SUSD1: variants seen among roughly 807,000 people sequenced by gnomAD.
SUSD1 encodes the protein sushi domain containing 1.
A neutral mutation model predicts 86.9 loss-of-function variants in SUSD1; 65 were observed. The observed-to-expected ratio is 0.75, with a 90% CI of 0.61 to 0.92. SUSD1 has a LOEUF of 0.92. Among genes scored for constraint, SUSD1 ranks in the 40% least tolerant of loss-of-function variants. The pLI, the probability that SUSD1 is intolerant of heterozygous loss-of-function variation, is 0.00. For missense variants in SUSD1, 850 were observed against 929.7 expected (o/e 0.91, Z 1.11); for synonymous variants, 346 against 350.0 (o/e 0.99, Z 0.13).
intron 12 of SUSD1, among the ~76,000 whole-genome samples, chr9:112,075,556 A>G (rs982567221): frequency 2.0e-5 from 3 of 152,104 alleles, no homozygotes; most frequent in Admixed American, 2.0e-4. Flanking sequence ...GGAGACCCTC[A>G]TCTCTACAAA....
chr9:112,084,465 TG>T (rs1829893783), intron 10 of SUSD1, among the ~76,000 whole-genome samples: 1 of 152,166 alleles, frequency 6.6e-6, no homozygotes, highest in African/African-American at 2.4e-5. Flanking sequence ...CACACACATA[TG>T]CTCAAGTAAC....
At chr9:112,088,096 A>G (rs1185054684) in intron 10 of SUSD1, among the ~76,000 whole-genome samples, 1 of 152,226 alleles carries the variant, frequency 6.6e-6, no homozygotes. Context: ...TCAAACCAAG[A>G]AAGTGTGAAT....
intron 5 of SUSD1, among the ~76,000 whole-genome samples, chr9:112,132,677 T>C (rs1832082310): frequency 6.6e-6 from 1 of 152,220 alleles, no homozygotes; most frequent in Non-Finnish European, 1.5e-5. Context: ...TGTGAAAGTG[T>C]TCTCTCCCCT....
intron 8 of SUSD1, among the ~76,000 whole-genome samples, chr9:112,110,998 G>GTT (rs35991531): frequency 4.6e-5 from 7 of 151,504 alleles, no homozygotes; most frequent in Non-Finnish European, 7.4e-5. Context: ...GTTTTTTTGG[G>GTT]TTTTTTTTGA....
intron 10 of SUSD1, among the ~76,000 whole-genome samples, chr9:112,097,053 G>A (rs567946600): frequency 2.0e-5 from 3 of 152,078 alleles, no homozygotes; most frequent in South Asian, 2.1e-4. Flanking sequence ...AGCCAGACAC[G>A]GTGGCTCACA....
chr9:112,121,386 G>A (rs1281737356), intron 6 of SUSD1, among the ~76,000 whole-genome samples: 2 of 152,134 alleles, frequency 1.3e-5, no homozygotes, highest in Non-Finnish European at 2.9e-5. Flanking sequence ...AGAGGTCCAG[G>A]AACACCTTGC....
intron 6 of SUSD1, among the ~76,000 whole-genome samples, chr9:112,114,146 T>C (rs1831215364): frequency 1.3e-5 from 2 of 152,072 alleles, no homozygotes; most frequent in Admixed American, 1.3e-4. Flanking sequence ...CAATGAGCAG[T>C]CCAAAGATGA....
chr9:112,124,811 G>A (rs535117717), intron 5 of SUSD1, among the ~76,000 whole-genome samples: 1 of 152,222 alleles, frequency 6.6e-6, no homozygotes, highest in East Asian at 1.9e-4. Flanking sequence ...TTAAATAGAA[G>A]ATATTCAAAA....
chr9:112,130,976 T>C (rs1832010343), intron 5 of SUSD1, among the ~76,000 whole-genome samples: 1 of 151,996 alleles, frequency 6.6e-6, no homozygotes, highest in African/African-American at 2.4e-5. Flanking sequence ...TGAGCCAAGA[T>C]CGCACTACTG....
chr9:112,055,146 C>A (rs1414529163), intron 14 of SUSD1, among the ~76,000 whole-genome samples: 1 of 152,196 alleles, frequency 6.6e-6, no homozygotes, highest in Admixed American at 6.5e-5. Context: ...CCATCTCATG[C>A]TGGGAGTGGT....
At chr9:112,131,924 C>T (rs532907400) in intron 5 of SUSD1, among the ~76,000 whole-genome samples, 3 of 152,302 alleles carry the variant, frequency 2.0e-5, no homozygotes, top group African/African-American at 7.2e-5. Flanking sequence ...CAAAATAGGA[C>T]TCCTGAGGGA....
rs561889441 is a variant in SUSD1, at chr9:112,123,710, G to A, written c.886+547C>T. 5.9e-4 allele frequency among the ~76,000 whole-genome samples: 90 copies of A among 152,148 alleles called. 3 individuals are homozygous for A. The highest frequency in any genetic ancestry group is 8.3e-4 in the South Asian group (4 of 4,804). On this transcript the variant is annotated intron_variant, in intron 6 of 16. Coordinates refer to ENST00000374270, the MANE Select transcript of SUSD1 (RefSeq NM_022486.5). The stretch of plus-strand genomic sequence containing the variant: ...AGCTACTCGGGAGGCTGAGGCAGGC[G>A]AATCACTTGGTCACTGCAACCCAGG...
At chr9:112,096,991 A>G (rs1830421885) in intron 10 of SUSD1, among the ~76,000 whole-genome samples, 1 of 151,034 alleles carries the variant, frequency 6.6e-6, no homozygotes, top group Admixed American at 6.7e-5. Context: ...GCTGATACAG[A>G]CAGGACAAGG....
chr9:112,103,767 C>T (rs866969080), intron 8 of SUSD1, among the ~76,000 whole-genome samples: 1 of 152,090 alleles, frequency 6.6e-6, no homozygotes, highest in Non-Finnish European at 1.5e-5. Flanking sequence ...ATGGAAGAGC[C>T]GGGGCTAAAG....
intron 5 of SUSD1, among the ~76,000 whole-genome samples, chr9:112,135,030 C>A (rs1476681295): frequency 6.6e-6 from 1 of 151,108 alleles, no homozygotes; most frequent in Non-Finnish European, 1.5e-5. Context: ...TGTGCCATTG[C>A]ACTCCAGCCT....
intron 6 of SUSD1, among the ~76,000 whole-genome samples, chr9:112,121,972 C>T (rs548249324): frequency 6.6e-6 from 1 of 152,320 alleles, no homozygotes; most frequent in African/African-American, 2.4e-5. Context: ...AAAAGACTAA[C>T]ATGTGCATGG....
At chr9:112,056,309 C>T (rs1043099202) in intron 14 of SUSD1, among the ~76,000 whole-genome samples, 4 of 151,018 alleles carry the variant, frequency 2.6e-5, no homozygotes, top group Non-Finnish European at 5.9e-5. Context: ...TTGCCAAGGG[C>T]TGTGGAAGGA....
rs1202375770 is a variant in SUSD1 at position 112,111,540 on chromosome 9, A to G, written c.1171+114T>C. On this transcript the variant is annotated intron_variant, in intron 8 of 16. Transcript: ENST00000374270. Reference sequence around the variant, plus strand: ...GTGGCTGGAGCAACTACATCTGAGTATAAATCTCAGACAGCAAATAGGAGC... The same window carrying G: ...GTGGCTGGAGCAACTACATCTGAGTGTAAATCTCAGACAGCAAATAGGAGC... The G allele has an allele frequency of 6.7e-6, 9 of 1,351,778 alleles. No individual in the cohort carries two copies. In the East Asian group the frequency reaches 1.9e-4, roughly 28 times the overall value. 83.7% of individuals were successfully genotyped at this position (1,351,778 alleles called of 1,614,324 possible).
At chr9:112,056,297 G>A (rs1337053811) in intron 14 of SUSD1, among the ~76,000 whole-genome samples, 4 of 151,894 alleles carry the variant, frequency 2.6e-5, no homozygotes. Flanking sequence ...GTAGAATGTT[G>A]GTTGCCAAGG....
Sources: gnomAD v4.1 joint callset for allele counts (sites outside exome capture counted in the v4.1 genomes callset) on GRCh38, gnomAD v4.1.1 for gene constraint, MANE v1.5 for transcripts, NCBI Gene and HGNC (gene_info 2026-07-23, HGNC 2026-07-21) for gene names.